CEP85L: variants seen among roughly 807,000 people sequenced by gnomAD.
The protein encoded by CEP85L is centrosomal protein 85L.
Under a neutral mutation model 100.3 loss-of-function variants are expected in CEP85L, and 60 were observed. That is an observed-to-expected ratio of 0.60 (90% CI 0.49 to 0.74). The LOEUF (loss-of-function observed/expected upper bound fraction) is 0.74, where lower values mean the gene tolerates loss of function less well. Ranked by LOEUF, CEP85L falls within the 30% of genes least tolerant of loss-of-function variation. CEP85L has a pLI of 0.00. For synonymous variants in CEP85L, 319 were observed against 322.7 expected (o/e 0.99, Z 0.12); for missense variants, 973 against 936.2 (o/e 1.04, Z -0.51).
Position 118,465,563 on chromosome 6 carries a change from T to C in CEP85L, c.2260A>G (p.Asn754Asp). Reference sequence around the variant, plus strand: ...TTCTCAGTCTCTTCAGCTGAACAGTTCATTGCTGTGTAAATAAAACATAGA... The same window carrying C: ...TTCTCAGTCTCTTCAGCTGAACAGTCCATTGCTGTGTAAATAAAACATAGA... Reference protein sequence around the residue: ...LSLLLGIRSMNCSAEETENDH... With the variant: ...LSLLLGIRSMDCSAEETENDH... The change falls in exon 13 of 13, where the codon AAC becomes GAC. Residue 754 changes from asparagine (N) to aspartate (D), a missense_variant. Coordinates refer to ENST00000368491, the MANE Select transcript of CEP85L (RefSeq NM_001042475.3). The C allele has an allele frequency of 1.9e-6, 3 of 1,609,206 alleles. No individual in the cohort carries two copies. The highest frequency in any genetic ancestry group is 2.5e-6 in the Non-Finnish European group (3 of 1,178,292).
intron 2 of CEP85L, among the ~76,000 whole-genome samples, chr6:118,624,163 C>A (rs1266751005): frequency 2.0e-5 from 3 of 152,114 alleles, no homozygotes; most frequent in South Asian, 2.1e-4. Context: ...TGCAGTTAAT[C>A]CTAAAGAAGA....
chr6:118,589,855 T>C (rs1781079802), intron 2 of CEP85L, among the ~76,000 whole-genome samples: 1 of 152,236 alleles, frequency 6.6e-6, no homozygotes, highest in Non-Finnish European at 1.5e-5. Flanking sequence ...GCCATCCTGT[T>C]AGATATTTGC....
chr6:118,478,083 C>T (rs530085113), intron 10 of CEP85L, among the ~76,000 whole-genome samples: 1 of 152,200 alleles, frequency 6.6e-6, no homozygotes, highest in African/African-American at 2.4e-5. Context: ...TTAGGTATAT[C>T]AGCTTGATAA....
intron 1 of CEP85L, among the ~76,000 whole-genome samples, chr6:118,698,867 G>A (rs187777443): frequency 5.1e-4 from 78 of 151,516 alleles, no homozygotes; most frequent in Middle Eastern, 3.4e-3. Context: ...TATTTTGACA[G>A]TGACGGTAAC....
At chr6:118,584,855 T>C (rs1780768414) in intron 2 of CEP85L, among the ~76,000 whole-genome samples, 1 of 152,246 alleles carries the variant, frequency 6.6e-6, no homozygotes, top group Admixed American at 6.5e-5. Context: ...AGCTGACTTC[T>C]TAAATATCAG....
At chr6:118,653,222 A>G (rs1374003520), upstream of CEP85L, among the ~76,000 whole-genome samples, 1 of 152,228 alleles carries the variant, frequency 6.6e-6, no homozygotes, top group Non-Finnish European at 1.5e-5. Flanking sequence ...AGTACATGCG[A>G]AGGTGAAAGT....
At chr6:118,558,721 TAAC>T (rs576698403) in intron 3 of CEP85L, 177 of 590,788 alleles carry the variant, frequency 3.0e-4, no homozygotes, top group Non-Finnish European at 5.0e-4. Context: ...ATGTTATAAA[TAAC>T]AATAGTGCTG....
intron 3 of CEP85L, among the ~76,000 whole-genome samples, chr6:118,545,502 C>T (rs569429587): frequency 4.5e-4 from 68 of 152,092 alleles, no homozygotes; most frequent in African/African-American, 1.6e-3. Context: ...GCAGGAGAAT[C>T]GCTTGAACCC....
At chr6:118,608,168 A>C (rs2115209220) in intron 2 of CEP85L, among the ~76,000 whole-genome samples, 1 of 152,138 alleles carries the variant, frequency 6.6e-6, no homozygotes, top group East Asian at 1.9e-4. Flanking sequence ...TCAATGTTCA[A>C]TTTCTTTAAA....
chr6:118,618,856 T>C (rs1773247588), intron 2 of CEP85L, among the ~76,000 whole-genome samples: 2 of 152,140 alleles, frequency 1.3e-5, no homozygotes, highest in South Asian at 2.1e-4. Context: ...GGCCTTGACA[T>C]GCAAGCATCA....
intron 1 of CEP85L, among the ~76,000 whole-genome samples, chr6:118,635,084 C>A (rs1168756072): frequency 2.0e-5 from 3 of 152,072 alleles, no homozygotes; most frequent in African/African-American, 7.2e-5. Context: ...AAAGGGCAAA[C>A]TGGAAAGTGG....
At chr6:118,633,084 AT>A (rs1216018375) in intron 1 of CEP85L, among the ~76,000 whole-genome samples, 3 of 151,690 alleles carry the variant, frequency 2.0e-5, no homozygotes, top group African/African-American at 7.3e-5. Context: ...TATCTACTAA[AT>A]TTTTTCTACA....
intron 3 of CEP85L, among the ~76,000 whole-genome samples, chr6:118,555,190 G>C (rs1258378999): frequency 1.3e-5 from 2 of 152,156 alleles, no homozygotes; most frequent in African/African-American, 4.8e-5. Context: ...CCAGCACTTT[G>C]GGAGGCCGAG....
rs1224673627 is a variant in CEP85L, at chr6:118,533,940, C to A, written c.1021-10020G>T. 2.0e-5 allele frequency among the ~76,000 whole-genome samples: 3 copies of A among 151,932 alleles called. No homozygotes were observed. The South Asian group carries it at 6.2e-4, about 32-fold the overall frequency. On this transcript the variant is annotated intron_variant, in intron 3 of 12. Transcript: ENST00000368491. ...TGAAACCCCGTCTCTACTAAAAATT[C>A]AAAAATTAGCCAGGCGTGGTGGCTC...
chr6:118,562,329 AAAC>A (rs1171891939), intron 3 of CEP85L, among the ~76,000 whole-genome samples: 4 of 152,292 alleles, frequency 2.6e-5, no homozygotes, highest in East Asian at 1.9e-4. Context: ...GTTAGACAAA[AAAC>A]AAGTCATTTT....
intron 4 of CEP85L, among the ~76,000 whole-genome samples, chr6:118,523,227 T>C (rs1480772098): frequency 6.6e-6 from 1 of 152,176 alleles, no homozygotes; most frequent in Non-Finnish European, 1.5e-5. Context: ...TGATGTAACA[T>C]GAAGGTTTAC....
chr6:118,651,336 G>C lies in CEP85L; in HGVS notation c.-67C>G. ...TCACGTCCGTCCTCCTGCTTCTTCG[G>C]CGGCGGAAACTTGCGCGGAGCGTGG... On this transcript the variant is annotated 5_prime_UTR_variant, in exon 1 of 13. Transcript: ENST00000368491. 1 of 1,388,832 alleles carries C rather than the reference G, an allele frequency of 7.2e-7. No homozygotes were observed. Among genetic ancestry groups the C allele is most frequent in the Non-Finnish European group, 9.3e-7 (1 of 1,072,216 alleles). 86.0% of individuals were successfully genotyped at this position (1,388,832 alleles called of 1,614,324 possible). A position where few individuals can be genotyped will look rare whatever the true frequency, so the allele number is the denominator to read the frequency against.
chr6:118,621,225 T>C (rs912610773), intron 2 of CEP85L, among the ~76,000 whole-genome samples: 12 of 152,126 alleles, frequency 7.9e-5, no homozygotes, highest in African/African-American at 2.9e-4. Flanking sequence ...AAAAACCAAA[T>C]GGTCAGTGGA....
Position 118,660,888 on chromosome 6 carries a change from T to G in CEP85L, c.-27-8080A>C, listed in dbSNP as rs1383859580. Reference sequence around the variant, plus strand: ...GGTGTCAGAATTTTCTTTTTTTCTTTTTTTTTTCTTTTTTTGAGACGGAGT... The same window carrying G: ...GGTGTCAGAATTTTCTTTTTTTCTTGTTTTTTTCTTTTTTTGAGACGGAGT... On this transcript the variant is annotated intron_variant, in intron 1 of 13. Coordinates refer to the CEP85L transcript ENST00000368488. Among the ~76,000 whole-genome samples the G allele has an allele frequency of 4.6e-5, 7 of 151,552 alleles. No individual in the cohort carries two copies. In the East Asian group the frequency reaches 1.2e-3, roughly 25 times the overall value.
Sources: allele counts gnomAD v4.1 joint callset (sites outside exome capture counted in the v4.1 genomes callset), GRCh38; gene constraint gnomAD v4.1.1; transcripts MANE v1.5; gene names NCBI Gene and HGNC (gene_info 2026-07-23, HGNC 2026-07-21).